Variants in ZNG1B observed in about 807,000 individuals in gnomAD.
ZNG1B encodes Zn regulated GTPase metalloprotein activator 1B.
chr2:113,482,340 T>C, the ZNG1B span: 1 of 1,474,648 alleles, frequency 6.8e-7, no homozygotes, highest in Admixed American at 2.0e-5. Context: ...TCTAAAATGG[T>C]ATTTTTGAAC....
At chr2:113,469,185 C>T in the ZNG1B span, 1 of 152,014 alleles carries the variant, frequency 6.6e-6, no homozygotes, top group Non-Finnish European at 1.5e-5. Flanking sequence ...ACTCTGTCCC[C>T]CAAGTTGGAG....
the ZNG1B span, among the ~76,000 whole-genome samples, chr2:113,457,492 T>TTTTTC: frequency 7.3e-6 from 1 of 137,534 alleles, no homozygotes; most frequent in African/African-American, 2.7e-5. Flanking sequence ...TTAAGATAGT[T>TTTTTC]TTTTCTTTTC....
At chr2:113,471,927 A>G in the ZNG1B span, among the ~76,000 whole-genome samples, 4 of 144,284 alleles carry the variant, frequency 2.8e-5, no homozygotes, top group African/African-American at 1.0e-4. Context: ...ATTGTGAATA[A>G]TGCCGCAATA....
the ZNG1B span, among the ~76,000 whole-genome samples, chr2:113,475,502 A>G: frequency 1.3e-5 from 2 of 149,450 alleles, no homozygotes; most frequent in East Asian, 4.1e-4. Context: ...TAAAGTTAAT[A>G]TCGTTACGTG....
the ZNG1B span, among the ~76,000 whole-genome samples, chr2:113,456,487 C>G: frequency 2.0e-5 from 3 of 151,138 alleles, no homozygotes; most frequent in Non-Finnish European, 4.4e-5. Context: ...CTGAAAATGC[C>G]ATGCTAAAAG....
At chr2:113,471,832 A>G in the ZNG1B span, among the ~76,000 whole-genome samples, 2 of 152,034 alleles carry the variant, frequency 1.3e-5, no homozygotes, top group Middle Eastern at 3.4e-3. Flanking sequence ...TTATGGCTGC[A>G]TAGTATTCCA....
chr2:113,437,987 C>T, the ZNG1B span: 1 of 1,611,962 alleles, frequency 6.2e-7, no homozygotes, highest in Non-Finnish European at 8.5e-7. Context: ...GGCCTCGGCG[C>T]CAAGATCCCA....
the ZNG1B span, among the ~76,000 whole-genome samples, chr2:113,490,208 G>A: frequency 1.3e-5 from 2 of 152,076 alleles, no homozygotes; most frequent in African/African-American, 4.8e-5. Context: ...ACTCCAAAAG[G>A]AACCTTCAAA....
At chr2:113,473,925 C>G in the ZNG1B span, among the ~76,000 whole-genome samples, 8 of 142,526 alleles carry the variant, frequency 5.6e-5, no homozygotes, top group African/African-American at 8.0e-5. Flanking sequence ...CAATGTTCAT[C>G]AAGGATATTG....
At chr2:113,448,021 T>C in the ZNG1B span, among the ~76,000 whole-genome samples, 1 of 152,246 alleles carries the variant, frequency 6.6e-6, no homozygotes, top group Non-Finnish European at 1.5e-5. Flanking sequence ...ATCACAAATG[T>C]TCTTAATGGC....
At chr2:113,462,356 A>C in the ZNG1B span, 1 of 1,530,042 alleles carries the variant, frequency 6.5e-7, no homozygotes, top group East Asian at 2.3e-5. Context: ...ATTAATCTGC[A>C]TGCGTGTATA....
At chr2:113,438,793 T>G in the ZNG1B span, among the ~76,000 whole-genome samples, 3 of 152,170 alleles carry the variant, frequency 2.0e-5, no homozygotes, top group African/African-American at 4.8e-5. Context: ...TATTAGAAGT[T>G]TGGAAAAAGT....
chr2:113,485,867 C>T, the ZNG1B span, among the ~76,000 whole-genome samples: 21 of 152,106 alleles, frequency 1.4e-4, no homozygotes, highest in African/African-American at 5.1e-4. Context: ...ACTAAATAAA[C>T]AAACCTGAGT....
the ZNG1B span, chr2:113,493,893 ATGGT>A: frequency 6.8e-7 from 1 of 1,472,398 alleles, no homozygotes; most frequent in Non-Finnish European, 9.0e-7. Context: ...GCTATTAGCG[ATGGT>A]TGGTCTTATT....
At chr2:113,454,040 C>T in the ZNG1B span, among the ~76,000 whole-genome samples, 4 of 151,892 alleles carry the variant, frequency 2.6e-5, no homozygotes, top group Non-Finnish European at 5.9e-5. Context: ...AAAAACCAGT[C>T]GAAATTTTCT....
At chr2:113,446,771 C>T in the ZNG1B span, among the ~76,000 whole-genome samples, 996 of 124,294 alleles carry the variant, frequency 8.0e-3, 9 homozygotes, top group Middle Eastern at 0.04. Context: ...CACATGCACA[C>T]GCACACACAC....
At chr2:113,477,217 G>A in the ZNG1B span, among the ~76,000 whole-genome samples, 140 of 152,310 alleles carry the variant, frequency 9.2e-4, 2 homozygotes, top group African/African-American at 3.2e-3. Flanking sequence ...ATATAATCTC[G>A]TGGTGCGCCT....
At chr2:113,474,722 A>T in the ZNG1B span, among the ~76,000 whole-genome samples, 1 of 151,080 alleles carries the variant, frequency 6.6e-6, no homozygotes. Flanking sequence ...GAACATCTTT[A>T]TTTCTGCCTT....
chr2:113,465,447 C>T, the ZNG1B span, among the ~76,000 whole-genome samples: 6 of 151,868 alleles, frequency 4.0e-5, no homozygotes, highest in Admixed American at 3.3e-4. Context: ...TCCAAACACT[C>T]GAGAGGGTAA....
Sources: allele counts gnomAD v4.1 joint callset (sites outside exome capture counted in the v4.1 genomes callset), GRCh38; gene constraint gnomAD v4.1.1; transcripts MANE v1.5; gene names NCBI Gene and HGNC (gene_info 2026-07-23, HGNC 2026-07-21).